Variants in PLD5 observed in about 807,000 individuals in gnomAD.
The protein encoded by PLD5 is inactive phospholipase D5.
PLD5 carries 36 observed loss-of-function variants against 61.1 expected under a neutral mutation model. The ratio of observed to expected loss-of-function variants is 0.59; its 90% CI spans 0.45 to 0.78. The LOEUF is 0.78. Among genes scored for constraint, PLD5 ranks in the 30% least tolerant of loss-of-function variants. PLD5 has a pLI of 0.00. For missense variants in PLD5, 515 were observed against 644.4 expected (o/e 0.80, Z 2.17); for synonymous variants, 243 against 242.8 (o/e 1.00, Z -0.01).
chr1:242,395,043 G>GAATATATATGTATACATGAATATATGAA (rs879927435), intron 1 of PLD5, among the ~76,000 whole-genome samples: 1 of 67,464 alleles, frequency 1.5e-5, no homozygotes, highest in Non-Finnish European at 2.8e-5. Flanking sequence ...GAATGTATAT[G>GAATATATATGTATACATGAATATATGAA]TATATATGAA....
At chr1:242,470,183 T>C (rs1324575376) in intron 1 of PLD5, among the ~76,000 whole-genome samples, 3 of 151,248 alleles carry the variant, frequency 2.0e-5, no homozygotes, top group African/African-American at 7.3e-5. Context: ...CTACTAAAAA[T>C]ACAAAAAAAA....
chr1:242,489,987 G>C (rs553322450), intron 1 of PLD5, among the ~76,000 whole-genome samples: 1 of 152,216 alleles, frequency 6.6e-6, no homozygotes, highest in African/African-American at 2.4e-5. Context: ...AGAGAGAAAG[G>C]TTCCATTCAC....
At chr1:242,138,507 G>A (rs1663919850) in intron 5 of PLD5, among the ~76,000 whole-genome samples, 1 of 151,988 alleles carries the variant, frequency 6.6e-6, no homozygotes, top group African/African-American at 2.4e-5. Flanking sequence ...GAAAATATAT[G>A]ATACAAAATA....
intron 1 of PLD5, among the ~76,000 whole-genome samples, chr1:242,496,607 AT>A (rs1442527539): frequency 6.6e-6 from 1 of 152,164 alleles, no homozygotes; most frequent in African/African-American, 2.4e-5. Flanking sequence ...AGTTACCAAT[AT>A]TGTCATTTAT....
intron 5 of PLD5, among the ~76,000 whole-genome samples, chr1:242,191,363 A>G (rs1574485208): frequency 6.6e-6 from 1 of 152,208 alleles, no homozygotes; most frequent in African/African-American, 2.4e-5. Context: ...TGGCAGGTGG[A>G]TCACTTGAGG....
Position 242,300,089 on chromosome 1 carries a change from A to G in PLD5, c.327-11559T>C, listed in dbSNP as rs560684659. On this transcript the variant is annotated intron_variant, in intron 2 of 9. Transcript: ENST00000536534. Reference sequence around the variant, plus strand: ...AGCCCCTGCTGAAGCTGTAACATTGAGATGAGATGCAAAGAATTTGTGAGC... The same window carrying G: ...AGCCCCTGCTGAAGCTGTAACATTGGGATGAGATGCAAAGAATTTGTGAGC... Among the ~76,000 whole-genome samples, 14 of 152,362 alleles carry G rather than the reference A, an allele frequency of 9.2e-5. No individual in the cohort carries two copies. In the East Asian group the frequency reaches 2.7e-3, roughly 29 times the overall value.
At chr1:242,092,606 T>C (rs1659920571) in intron 9 of PLD5, among the ~76,000 whole-genome samples, 1 of 152,160 alleles carries the variant, frequency 6.6e-6, no homozygotes, top group South Asian at 2.1e-4. Flanking sequence ...GGTGGAGATA[T>C]TGGCCTTCCG....
rs1465824488 is a variant in PLD5 at position 242,088,264 on chromosome 1, T to C, written c.*1590A>G. On this transcript the variant is annotated 3_prime_UTR_variant, in exon 10 of 10. Coordinates refer to ENST00000536534, the MANE Select transcript of PLD5 (RefSeq NM_001372062.1). ...CAAAGCAGCCCAACGCAATGTTCTA[T>C]TGAAATGTTGACAATCCAGATCTCC... 2.6e-5 allele frequency: 4 copies of C among 152,016 alleles called. No individual in the cohort carries two copies. The highest frequency in any genetic ancestry group is 4.4e-5 in the Non-Finnish European group (3 of 68,000). The allele number at this position is 152,016 out of a possible 1,614,324, so 9.4% of individuals were successfully genotyped here.
intron 1 of PLD5, among the ~76,000 whole-genome samples, chr1:242,431,669 A>G (rs1399515479): frequency 6.6e-6 from 1 of 152,226 alleles, no homozygotes; most frequent in African/African-American, 2.4e-5. Flanking sequence ...TTAATTGTGT[A>G]AACAAGGTAA....
intron 1 of PLD5, among the ~76,000 whole-genome samples, chr1:242,414,783 T>C (rs1664734572): frequency 6.6e-6 from 1 of 152,136 alleles, no homozygotes; most frequent in South Asian, 2.1e-4. Flanking sequence ...TTTAATTACA[T>C]AGAAATAAGA....
In PLD5 at chr1:242,245,618, G is replaced by T. The variant is rs144892503; in HGVS notation, c.607+19719C>A. ...TCCTCAAAACTACATGAAAGATTTA[G>T]TATCCATTGGTAGTTTTGAGTCATT... On this transcript the variant is annotated intron_variant, in intron 4 of 9. Transcript: ENST00000536534. 3.5e-4 allele frequency among the ~76,000 whole-genome samples: 53 copies of T among 152,294 alleles called. No homozygotes were observed. In the East Asian group the frequency reaches 0.01, roughly 29 times the overall value.
chr1:242,513,257 C>A (rs148924973), intron 1 of PLD5, among the ~76,000 whole-genome samples: 4 of 152,298 alleles, frequency 2.6e-5, no homozygotes, highest in Middle Eastern at 3.4e-3. Flanking sequence ...TTCTTTCACT[C>A]AAGGGTCTAA....
chr1:242,443,524 TC>T (rs952937656), intron 1 of PLD5, among the ~76,000 whole-genome samples: 2 of 152,020 alleles, frequency 1.3e-5, no homozygotes, highest in Admixed American at 6.6e-5. Flanking sequence ...GGGAAGATTA[TC>T]CACCTACTCC....
At chr1:242,529,659 G>A (rs144169969), upstream of PLD5, among the ~76,000 whole-genome samples, 595 of 152,254 alleles carry the variant, frequency 3.9e-3, 3 homozygotes, top group Non-Finnish European at 6.1e-3. Context: ...GAGAACTGGG[G>A]AGGAGAGGGA....
chr1:242,103,822 T>G (rs982427291), intron 8 of PLD5, among the ~76,000 whole-genome samples: 3 of 152,212 alleles, frequency 2.0e-5, no homozygotes, highest in Non-Finnish European at 4.4e-5. Context: ...ATGTGCATGA[T>G]TTCCTCAGTT....
In PLD5 at chr1:242,470,370, GAAAGAAAGAAAAA is replaced by G. The variant is rs1260268065; in HGVS notation, c.189+53705_189+53717del. Among the ~76,000 whole-genome samples the G allele has an allele frequency of 5.0e-3, 378 of 75,272 alleles. 1 individual carries two copies. Among genetic ancestry groups the G allele is most frequent in the African/African-American group, 0.018 (315 of 17,864 alleles). The allele number at this position is 75,272 out of a possible 152,430, so 49.4% of individuals were successfully genotyped here. ...GAAAAAAAAAAAAGAAAGAAAGAAA[GAAAGAAAGAAAAA>G]AAAGAAAGAAAGAAAATTGGGAAAG... On this transcript the variant is annotated intron_variant, in intron 1 of 9. Transcript: ENST00000536534.
At chr1:242,527,831 A>G (rs1210321133), upstream of PLD5, among the ~76,000 whole-genome samples, 1 of 152,242 alleles carries the variant, frequency 6.6e-6, no homozygotes, top group East Asian at 1.9e-4. Flanking sequence ...CACCAAAAAT[A>G]TTACTGAAAT....
At chr1:242,186,591 G>A (rs1667912413) in intron 5 of PLD5, among the ~76,000 whole-genome samples, 1 of 152,038 alleles carries the variant, frequency 6.6e-6, no homozygotes, top group Non-Finnish European at 1.5e-5. Context: ...AAAACAAAGA[G>A]CAAAAGAGAG....
chr1:242,324,674 G>A (rs946689571), intron 2 of PLD5, among the ~76,000 whole-genome samples: 4 of 152,108 alleles, frequency 2.6e-5, no homozygotes, highest in Non-Finnish European at 5.9e-5. Flanking sequence ...CAGGAGTCAG[G>A]CAGCCAGAGG....
Sources: gnomAD v4.1 joint callset for allele counts (sites outside exome capture counted in the v4.1 genomes callset) on GRCh38, gnomAD v4.1.1 for gene constraint, MANE v1.5 for transcripts, NCBI Gene and HGNC (gene_info 2026-07-23, HGNC 2026-07-21) for gene names.